Variants in ZCCHC24 observed in about 807,000 individuals in gnomAD.
The protein encoded by ZCCHC24 is zinc finger CCHC-type containing 24.
In ZCCHC24, 10 loss-of-function variants were observed where a neutral mutation model predicts 26.2. That is an observed-to-expected ratio of 0.38 (90% CI 0.24 to 0.65). The LOEUF (loss-of-function observed/expected upper bound fraction) is 0.65, where lower values mean the gene tolerates loss of function less well. Ranked by LOEUF, ZCCHC24 falls within the 30% of genes least tolerant of loss-of-function variation. ZCCHC24 has a pLI of 0.54. For missense variants in ZCCHC24, 243 were observed against 329.1 expected, an observed-to-expected ratio of 0.74 and a Z score of 2.03; for synonymous variants, 144 against 147.1, an observed-to-expected ratio of 0.98 and a Z score of 0.15.
At chr10:79,428,429 TAAATTTCAGTTTTGCA>T (rs1857070948) in intron 2 of ZCCHC24, among the ~76,000 whole-genome samples, 1 of 37,468 alleles carries the variant, frequency 2.7e-5, no homozygotes, top group South Asian at 4.4e-4. Context: ...TTTTGCAAGA[TAAATTTCAGTTTTGCA>T]AGATAAATTT....
At chr10:79,413,313 C>T (rs773467805) in intron 2 of ZCCHC24, among the ~76,000 whole-genome samples, 4 of 152,220 alleles carry the variant, frequency 2.6e-5, no homozygotes, top group East Asian at 1.9e-4. Context: ...GAGTGAGTGG[C>T]GGGACCCCTC....
chr10:79,444,850 C>G (rs1490882645), intron 1 of ZCCHC24, among the ~76,000 whole-genome samples: 1 of 152,214 alleles, frequency 6.6e-6, no homozygotes, highest in Admixed American at 6.5e-5. Context: ...CCCGCCCAGG[C>G]CGCACCCCAG....
intron 2 of ZCCHC24, among the ~76,000 whole-genome samples, chr10:79,408,717 G>A (rs1856752030): frequency 6.6e-6 from 1 of 152,134 alleles, no homozygotes; most frequent in South Asian, 2.1e-4. Flanking sequence ...CCATACAGAA[G>A]GTCTGTTCAG....
At chr10:79,438,079 A>G (rs926617086) in intron 1 of ZCCHC24, among the ~76,000 whole-genome samples, 3 of 152,152 alleles carry the variant, frequency 2.0e-5, no homozygotes, top group Non-Finnish European at 4.4e-5. Flanking sequence ...GCACGGCAGA[A>G]GCAAGGGCTG....
chr10:79,412,795 G>C (rs1362014892), intron 2 of ZCCHC24, among the ~76,000 whole-genome samples: 2 of 152,234 alleles, frequency 1.3e-5, no homozygotes, highest in Non-Finnish European at 2.9e-5. Context: ...ACAAGTTTCT[G>C]AAATGCTCTG....
intron 2 of ZCCHC24, among the ~76,000 whole-genome samples, chr10:79,420,122 A>G (rs1856917628): frequency 7.0e-6 from 1 of 143,850 alleles, no homozygotes; most frequent in South Asian, 2.3e-4. Flanking sequence ...TTGGAGAGAG[A>G]TTCCTCTTCC....
At chr10:79,403,284 T>G (rs1856662769) in intron 2 of ZCCHC24, 1 of 634,400 alleles carries the variant, frequency 1.6e-6, no homozygotes, top group Non-Finnish European at 2.0e-6. Flanking sequence ...ATCAGCACTC[T>G]TAACCCTAAT....
rs1034271161 is a variant in ZCCHC24, at chr10:79,403,510, C to A, written c.448-9070G>T. ...GCAGCTGCAGGCTCCACGGAGGCCC[C>A]GGAGGAAGCAGGCGGTCAGAGGGAC... On this transcript the variant is annotated intron_variant, in intron 2 of 3. Transcript: ENST00000372336. The A allele has an allele frequency of 1.0e-5, 10 of 985,352 alleles. No homozygotes were observed. In the African/African-American group the frequency reaches 1.2e-4, roughly 12 times the overall value. The allele number at this position is 985,352 out of a possible 1,614,324, so 61.0% of individuals were successfully genotyped here. A position where few individuals can be genotyped will look rare whatever the true frequency, so the allele number is the denominator to read the frequency against.
rs867814459 is a variant in ZCCHC24 at position 79,386,264 on chromosome 10, C to T, written c.*81G>A. 1.3e-5 allele frequency: 18 copies of T among 1,373,160 alleles called. No homozygotes were observed. Among genetic ancestry groups the T allele is most frequent in the South Asian group, 3.7e-5 (3 of 82,080 alleles). The allele number at this position is 1,373,160 out of a possible 1,614,324, so 85.1% of individuals were successfully genotyped here. The stretch of plus-strand genomic sequence containing the variant: ...AGGGCACCCCATGCACAGGGCGACA[C>T]GCAGCCCCTCGGAGTAGCACAGGGA... On this transcript the variant is annotated 3_prime_UTR_variant, in exon 4 of 4. Coordinates refer to ENST00000372336, the MANE Select transcript of ZCCHC24 (RefSeq NM_153367.4).
At chr10:79,397,771 C>G (rs1856566162) in intron 2 of ZCCHC24, among the ~76,000 whole-genome samples, 1 of 152,150 alleles carries the variant, frequency 6.6e-6, no homozygotes, top group Non-Finnish European at 1.5e-5. Context: ...TGGCCTCACA[C>G]AGTTGGGGCA....
chr10:79,389,025 C>T (rs879743925), intron 3 of ZCCHC24, among the ~76,000 whole-genome samples: 1 of 152,198 alleles, frequency 6.6e-6, no homozygotes, highest in Non-Finnish European at 1.5e-5. Flanking sequence ...TATTGGGGCT[C>T]AGGGCCAGCT....
intron 2 of ZCCHC24, among the ~76,000 whole-genome samples, chr10:79,431,278 A>C (rs371761294): frequency 6.6e-6 from 1 of 152,280 alleles, no homozygotes; most frequent in East Asian, 1.9e-4. Flanking sequence ...TTTGCCCCTC[A>C]TTCTATCCAG....
intron 2 of ZCCHC24, among the ~76,000 whole-genome samples, chr10:79,430,130 C>G (rs541155490): frequency 2.0e-5 from 3 of 152,328 alleles, no homozygotes; most frequent in South Asian, 2.1e-4. Flanking sequence ...TGTGTCCAGG[C>G]ACTGTGCTAA....
At chr10:79,425,712 G>A (rs893851966) in intron 2 of ZCCHC24, among the ~76,000 whole-genome samples, 2 of 152,182 alleles carry the variant, frequency 1.3e-5, no homozygotes, top group African/African-American at 4.8e-5. Flanking sequence ...ATTTTTGACA[G>A]CATTAAATGA....
intron 2 of ZCCHC24, among the ~76,000 whole-genome samples, chr10:79,406,029 G>C (rs1938976748): frequency 2.6e-5 from 4 of 152,190 alleles, no homozygotes; most frequent in Non-Finnish European, 5.9e-5. Flanking sequence ...TTCCATCTCT[G>C]GGTGAGCGCT....
intron 2 of ZCCHC24, among the ~76,000 whole-genome samples, chr10:79,420,294 A>G (rs994751060): frequency 2.0e-5 from 3 of 151,512 alleles, no homozygotes; most frequent in Admixed American, 6.6e-5. Flanking sequence ...CCTCCCCAAG[A>G]CCCCTGAGAA....
chr10:79,442,588 C>CA (rs1313420464), intron 1 of ZCCHC24, among the ~76,000 whole-genome samples: 9 of 152,316 alleles, frequency 5.9e-5, no homozygotes, highest in Admixed American at 2.6e-4. Flanking sequence ...CAGTGGTCAG[C>CA]ATGCAAGTCA....
At chr10:79,444,901 C>G (rs1369494725) in intron 1 of ZCCHC24, among the ~76,000 whole-genome samples, 4 of 152,198 alleles carry the variant, frequency 2.6e-5, no homozygotes, top group African/African-American at 9.6e-5. Context: ...CCTCAACTCC[C>G]TCCCCCAACC....
intron 2 of ZCCHC24, among the ~76,000 whole-genome samples, chr10:79,421,045 C>G (rs1424998297): frequency 6.6e-6 from 1 of 152,186 alleles, no homozygotes; most frequent in Non-Finnish European, 1.5e-5. Context: ...AGGCTGGCTT[C>G]AGGGCTGTGC....
Sources: gnomAD v4.1 joint callset for allele counts (sites outside exome capture counted in the v4.1 genomes callset) on GRCh38, gnomAD v4.1.1 for gene constraint, MANE v1.5 for transcripts, NCBI Gene and HGNC (gene_info 2026-07-23, HGNC 2026-07-21) for gene names.